The following FLYWCH1 variants were observed in gnomAD, a reference collection of about 807,000 sequenced individuals.
The protein encoded by FLYWCH1 is FLYWCH-type zinc finger 1.
FLYWCH1 carries 75 observed loss-of-function variants against 66.4 expected under a neutral mutation model. That is an observed-to-expected ratio of 1.13 (90% CI 0.94 to 1.37). The LOEUF is 1.37. Ranked by LOEUF, FLYWCH1 falls within the 40% of genes most tolerant of loss-of-function variation. The pLI, the probability that FLYWCH1 is intolerant of heterozygous loss-of-function variation, is 0.00. For missense variants in FLYWCH1, 1,334 were observed against 1,001.8 expected (o/e 1.33, Z -4.48); for synonymous variants, 595 against 429.9 (o/e 1.38, Z -4.75).
At chr16:2,936,656 C>G (rs1356469909) in intron 6 of FLYWCH1, 1 of 459,560 alleles carries the variant, frequency 2.2e-6, no homozygotes, top group Admixed American at 2.3e-5. Context: ...GGACGCTGCT[C>G]CCTGCCTCTT....
At chr16:2,923,509 G>A (rs2070451290) in intron 2 of FLYWCH1, among the ~76,000 whole-genome samples, 2 of 152,188 alleles carry the variant, frequency 1.3e-5, no homozygotes, top group South Asian at 2.1e-4. Context: ...GCCTCCCAAA[G>A]TGCTGGGATG....
At chr16:2,920,005 C>T (rs1040199455) in intron 2 of FLYWCH1, among the ~76,000 whole-genome samples, 9 of 152,068 alleles carry the variant, frequency 5.9e-5, no homozygotes, top group African/African-American at 1.4e-4. Flanking sequence ...CATGATTGAA[C>T]GCAGTGTGTG....
chr16:2,919,230 T>C (rs1240831220), intron 2 of FLYWCH1, among the ~76,000 whole-genome samples: 2 of 151,780 alleles, frequency 1.3e-5, no homozygotes, highest in Admixed American at 6.6e-5. Context: ...CTCTCTGATA[T>C]ATGCGTGTAT....
intron 8 of FLYWCH1, among the ~76,000 whole-genome samples, chr16:2,939,497 G>A (rs1378286209): frequency 4.2e-5 from 4 of 95,940 alleles, no homozygotes; most frequent in Non-Finnish European, 9.4e-5. Flanking sequence ...CCAACATGGT[G>A]AAACCTTGAA....
chr16:2,915,013 G>A (rs2070120025), intron 2 of FLYWCH1, among the ~76,000 whole-genome samples: 3 of 144,030 alleles, frequency 2.1e-5, no homozygotes, highest in South Asian at 2.2e-4. Context: ...GGTATCTACT[G>A]TAAAAAAAAA....
At chr16:2,946,500 T>C (rs775832175) in intron 9 of FLYWCH1, among the ~76,000 whole-genome samples, 1 of 151,808 alleles carries the variant, frequency 6.6e-6, no homozygotes, top group Non-Finnish European at 1.5e-5. Flanking sequence ...TTTTTGTATT[T>C]TTAGTAGAGA....
chr16:2,941,872 T>A (rs1014154202), intron 9 of FLYWCH1, among the ~76,000 whole-genome samples: 1 of 150,720 alleles, frequency 6.6e-6, no homozygotes, highest in Non-Finnish European at 1.5e-5. Flanking sequence ...GATAGAAAAA[T>A]TAGCCAGGCG....
intron 6 of FLYWCH1, 26 bp downstream of exon 6, chr16:2,934,005 G>C (rs2070891197): frequency 6.7e-7 from 1 of 1,496,888 alleles, no homozygotes; most frequent in Non-Finnish European, 8.9e-7. Context: ...CTGGGAGCTG[G>C]GCCCCAGGAA....
intron 9 of FLYWCH1, among the ~76,000 whole-genome samples, chr16:2,944,063 T>G (rs566323794): frequency 6.6e-6 from 1 of 152,124 alleles, no homozygotes; most frequent in East Asian, 1.9e-4. Flanking sequence ...GCATCTACAC[T>G]CCAGCCCAGC....
intron 9 of FLYWCH1, 54 bp downstream of exon 9, chr16:2,940,146 G>C: frequency 2.4e-6 from 2 of 844,072 alleles, no homozygotes; most frequent in Non-Finnish European, 2.0e-6. Context: ...AAACGTAGTG[G>C]GCTTAAAACA....
Position 2,940,096 on chromosome 16 carries a change from A to AT in FLYWCH1, c.2111+6dup. The AT allele has an allele frequency of 7.9e-7, 1 of 1,261,236 alleles. No homozygotes were observed. The highest frequency in any genetic ancestry group is 1.2e-6 in the Non-Finnish European group (1 of 859,764). The allele number at this position is 1,261,236 out of a possible 1,614,324, so 78.1% of individuals were successfully genotyped here. ...CTGAAAGCCAGCAGATTTATGGGTA[A>AT]TTGTATTTGTTATCTAATGGTGCAT... On this transcript the variant is annotated splice_donor_region_variant and intron_variant, in intron 9 of 9. Coordinates refer to ENST00000253928, the MANE Select transcript of FLYWCH1 (RefSeq NM_001308068.2).
intron 4 of FLYWCH1, among the ~76,000 whole-genome samples, chr16:2,931,321 A>G (rs2070755366): frequency 1.3e-5 from 2 of 151,200 alleles, no homozygotes; most frequent in African/African-American, 4.9e-5. Flanking sequence ...AAAAAAAAAA[A>G]AAAAAAAAAT....
chr16:2,915,814 A>G (rs866789684), intron 2 of FLYWCH1, among the ~76,000 whole-genome samples: 35 of 149,698 alleles, frequency 2.3e-4, no homozygotes, highest in African/African-American at 6.4e-4. Flanking sequence ...AAAAAAAAAA[A>G]AGAGAGAATC....
chr16:2,922,925 C>G (rs528456566), intron 2 of FLYWCH1: 77 of 524,048 alleles, frequency 1.5e-4, no homozygotes, highest in Non-Finnish European at 2.4e-4. Context: ...CTCGTTTCTC[C>G]TGGGGGCGCT....
At chr16:2,936,276 C>A (rs1596383976) in intron 6 of FLYWCH1, 1 of 395,756 alleles carries the variant, frequency 2.5e-6, no homozygotes, top group Non-Finnish European at 5.1e-6. Flanking sequence ...ACCACCCCCT[C>A]CCGTGGCCTG....
intron 2 of FLYWCH1, among the ~76,000 whole-genome samples, chr16:2,925,816 A>C (rs1189015537): frequency 1.3e-5 from 2 of 152,132 alleles, no homozygotes; most frequent in South Asian, 2.1e-4. Flanking sequence ...TAATGGAGTT[A>C]AGGAGCCGCT....
At position 2,947,865 on chromosome 16, in the gene FLYWCH1, C is replaced by G. The variant is rs184476332; in HGVS notation, c.2112-823C>G. 1.5e-4 allele frequency among the ~76,000 whole-genome samples: 22 copies of G among 151,612 alleles called. No homozygotes were observed. In the East Asian group the frequency reaches 4.1e-3, roughly 28 times the overall value. Reference sequence around the variant, plus strand: ...TTGAGCAACACAGGGAGAACCCCATCTCTACAAAAAAAAATTTTTTTTTTA... The same window carrying G: ...TTGAGCAACACAGGGAGAACCCCATGTCTACAAAAAAAAATTTTTTTTTTA... On this transcript the variant is annotated intron_variant, in intron 9 of 9. Coordinates refer to ENST00000253928, the MANE Select transcript of FLYWCH1 (RefSeq NM_001308068.2).
Position 2,929,690 on chromosome 16 carries a change from C to A in FLYWCH1, c.5C>A (p.Pro2His). 6.2e-7 allele frequency: 1 copy of A among 1,610,544 alleles called. No homozygotes were observed. ...GGACAGGCCCTGGGTCCCGGGATGC[C>A]CCTGCCCGAGCCCAGCGAGCAGGAG... is the stretch of plus-strand genomic sequence containing the variant. M[P>H]LPEPSEQEGE... The change falls in exon 3 of 10, where the codon CCC becomes CAC. Residue 2 changes from proline to histidine, a missense_variant. By Grantham distance (77) the Pro-to-His change is moderately conservative. Coordinates refer to ENST00000253928, the MANE Select transcript of FLYWCH1 (RefSeq NM_001308068.2).
rs748361609 is a variant in FLYWCH1, at chr16:2,938,220, TG to T, written c.1820del (p.Gly607AlafsTer38). The T allele has an allele frequency of 6.2e-7, 1 of 1,612,908 alleles. No individual in the cohort carries two copies. Among genetic ancestry groups the T allele is most frequent in the African/African-American group, 1.3e-5 (1 of 74,888 alleles). ...CCCCTGGAGTTCCTGAGGACTTCCC[TG>T]GGGGGCAGGTTCCTGGTGCACGAGT... ...LRPLEFLRTS[L>X]GGRFLVHESF... On this transcript the variant is annotated frameshift_variant, in exon 8 of 10. Coordinates refer to ENST00000253928, the MANE Select transcript of FLYWCH1 (RefSeq NM_001308068.2). LOFTEE classifies it high-confidence loss of function.
Sources: gnomAD v4.1 joint callset for allele counts (sites outside exome capture counted in the v4.1 genomes callset) on GRCh38, gnomAD v4.1.1 for gene constraint, MANE v1.5 for transcripts, NCBI Gene and HGNC (gene_info 2026-07-23, HGNC 2026-07-21) for gene names.